Variants in RNF216 observed in about 807,000 individuals in gnomAD.
RNF216 encodes the protein E3 ubiquitin-protein ligase RNF216.
A neutral mutation model predicts 110.8 loss-of-function variants in RNF216; 72 were observed. That is an observed-to-expected ratio of 0.65 (90% CI 0.54 to 0.79). The LOEUF is 0.79. Ranked by LOEUF, RNF216 falls within the 30% of genes least tolerant of loss-of-function variation. The pLI is 0.00. For synonymous variants in RNF216, 495 were observed against 407.5 expected (o/e 1.21, Z -2.59); for missense variants, 1,342 against 1,141.2 (o/e 1.18, Z -2.54).
chr7:5,747,899 T>C (rs1795118967), intron 3 of RNF216, among the ~76,000 whole-genome samples: 1 of 151,882 alleles, frequency 6.6e-6, no homozygotes, highest in African/African-American at 2.4e-5. Context: ...CTGCTAGGCC[T>C]CTCAAAGGAC....
chr7:5,711,396 T>G (rs1054917988), intron 13 of RNF216, among the ~76,000 whole-genome samples: 3 of 152,042 alleles, frequency 2.0e-5, no homozygotes, highest in Admixed American at 6.6e-5. Context: ...GGTGTGTGTG[T>G]GGGGAGGGAG....
chr7:5,726,175 G>A (rs1041002650), intron 7 of RNF216, among the ~76,000 whole-genome samples: 8 of 152,032 alleles, frequency 5.3e-5, no homozygotes, highest in African/African-American at 9.7e-5. Flanking sequence ...GTACTCGGAG[G>A]CTAAGATAGG....
intron 3 of RNF216, among the ~76,000 whole-genome samples, chr7:5,750,381 A>G (rs985688002): frequency 3.9e-5 from 6 of 152,202 alleles, no homozygotes; most frequent in Non-Finnish European, 7.4e-5. Context: ...GCAAATTTAA[A>G]TATGTGCTTT....
Position 5,620,472 on chromosome 7 carries a change from C to A in RNF216, c.*2388G>T, listed in dbSNP as rs1248616954. On this transcript the variant is annotated 3_prime_UTR_variant, in exon 17 of 17. Coordinates refer to ENST00000389902, the MANE Select transcript of RNF216 (RefSeq NM_207111.4). ...TCCCCAATGCTGTCACTGGTCCAGG[C>A]AGGAGCCCGAGGTTCAGGCCCTGCC... is the stretch of plus-strand genomic sequence containing the variant. 1 of 152,268 alleles carries A rather than the reference C, an allele frequency of 6.6e-6. No individual in the cohort carries two copies. Among genetic ancestry groups the A allele is most frequent in the African/African-American group, 2.4e-5 (1 of 41,448 alleles). The allele number at this position is 152,268 out of a possible 1,614,324, so 9.4% of individuals were successfully genotyped here.
chr7:5,622,665 G>A lies in RNF216; in HGVS notation c.*195C>T, dbSNP rs1786445114. ...CAGCTCTCTCCGAACTCCACCATTT[G>A]GGACGTCTTTATTATGGATCCGTCC... On this transcript the variant is annotated 3_prime_UTR_variant, in exon 17 of 17. Transcript: ENST00000389902. The A allele has an allele frequency of 3.4e-6, 2 of 592,340 alleles. No individual in the cohort carries two copies. Among genetic ancestry groups the A allele is most frequent in the Non-Finnish European group, 5.9e-6 (2 of 338,680 alleles). The allele number at this position is 592,340 out of a possible 1,614,324, so 36.7% of individuals were successfully genotyped here. A position where few individuals can be genotyped will look rare whatever the true frequency, so the allele number is the denominator to read the frequency against.
intron 13 of RNF216, among the ~76,000 whole-genome samples, chr7:5,692,558 C>T (rs1791400558): frequency 6.6e-6 from 1 of 152,196 alleles, no homozygotes; most frequent in Non-Finnish European, 1.5e-5. Context: ...AGAGCTTGTG[C>T]TGCAAGCAGA....
intron 13 of RNF216, among the ~76,000 whole-genome samples, chr7:5,679,152 T>C (rs1790494480): frequency 6.6e-6 from 1 of 152,130 alleles, no homozygotes; most frequent in African/African-American, 2.4e-5. Flanking sequence ...TTAATCCTCC[T>C]AACAGACTTT....
intron 13 of RNF216, among the ~76,000 whole-genome samples, chr7:5,681,276 G>C (rs1028089194): frequency 1.3e-5 from 2 of 152,162 alleles, no homozygotes; most frequent in African/African-American, 4.8e-5. Context: ...CAATTACCTA[G>C]GGCCAGAATC....
intron 12 of RNF216, 51 bp from the exon 13 acceptor site, chr7:5,711,890 C>T: frequency 6.6e-7 from 1 of 1,515,994 alleles, no homozygotes. Flanking sequence ...AAAGCCTGAT[C>T]TGGTTCCAGC....
intron 13 of RNF216, among the ~76,000 whole-genome samples, chr7:5,703,147 T>C (rs1019285815): frequency 6.6e-6 from 1 of 152,220 alleles, no homozygotes; most frequent in African/African-American, 2.4e-5. Context: ...ACTCACATCA[T>C]GCAGCATGGA....
chr7:5,671,951 T>C (rs1452123608), intron 13 of RNF216, among the ~76,000 whole-genome samples: 2 of 152,144 alleles, frequency 1.3e-5, no homozygotes, highest in Non-Finnish European at 2.9e-5. Context: ...GACAACTTCA[T>C]TTCAGATTTC....
rs377313391 is a variant in RNF216 at position 5,741,365 on chromosome 7, G to C, written c.652C>G (p.Leu218Val). ...TCTTCGATGGCCTGATCATCTGCTA[G>C]AGCAGCTGACTCTCCTAGATTTGAT... ...LLSNLGESAA[L>V]ADDQAIEEDC... The change falls in exon 4 of 17, where the codon CTA becomes GTA. Residue 218 changes from leucine (L) to valine (V), a missense_variant. Transcript: ENST00000389902. 6.2e-7 allele frequency: 1 copy of C among 1,614,052 alleles called. No homozygotes were observed. Among genetic ancestry groups the C allele is most frequent in the African/African-American group, 1.3e-5 (1 of 74,928 alleles).
At chr7:5,623,645 G>A (rs1005972544) in intron 16 of RNF216, among the ~76,000 whole-genome samples, 2 of 151,856 alleles carry the variant, frequency 1.3e-5, no homozygotes, top group African/African-American at 4.8e-5. Context: ...TTTTGCCCAG[G>A]CTAGCCCCAA....
At chr7:5,745,796 G>A (rs1451611662) in intron 3 of RNF216, among the ~76,000 whole-genome samples, 1 of 151,584 alleles carries the variant, frequency 6.6e-6, no homozygotes, top group Non-Finnish European at 1.5e-5. Context: ...GCTACTCTCG[G>A]GAGGCTGAGG....
intron 15 of RNF216, among the ~76,000 whole-genome samples, chr7:5,638,209 C>G (rs956329554): frequency 6.6e-6 from 1 of 152,198 alleles, no homozygotes; most frequent in Non-Finnish European, 1.5e-5. Flanking sequence ...CTTCCTGTTT[C>G]TTTTCTTCCA....
chr7:5,679,541 G>A (rs1221875451), intron 13 of RNF216, among the ~76,000 whole-genome samples: 1 of 152,212 alleles, frequency 6.6e-6, no homozygotes, highest in Non-Finnish European at 1.5e-5. Flanking sequence ...AGTCCCTTGA[G>A]GGTCCTCCCT....
chr7:5,691,982 T>C (rs1489587875), intron 13 of RNF216, among the ~76,000 whole-genome samples: 6 of 152,204 alleles, frequency 3.9e-5, no homozygotes, highest in Non-Finnish European at 8.8e-5. Flanking sequence ...ATACTTTATA[T>C]TGTTACAATT....
chr7:5,766,141 C>G (rs906210458), intron 1 of RNF216, among the ~76,000 whole-genome samples: 1 of 151,648 alleles, frequency 6.6e-6, no homozygotes, highest in African/African-American at 2.4e-5. Context: ...AATTAAAAAA[C>G]TAGCTGCGCG....
chr7:5,706,287 T>A (rs116896316), intron 13 of RNF216, among the ~76,000 whole-genome samples: 3,095 of 152,178 alleles, frequency 0.02, 47 homozygotes, highest in Non-Finnish European at 0.032. Context: ...AACACATTTT[T>A]AAGTGTACAG....
Sources: allele counts gnomAD v4.1 joint callset (sites outside exome capture counted in the v4.1 genomes callset), GRCh38; gene constraint gnomAD v4.1.1; transcripts MANE v1.5; gene names NCBI Gene and HGNC (gene_info 2026-07-23, HGNC 2026-07-21).